The following DSCAM variants were observed in gnomAD, a reference collection of about 807,000 sequenced individuals.
The protein encoded by DSCAM is DS cell adhesion molecule.
DSCAM carries 47 observed loss-of-function variants against 217.7 expected under a neutral mutation model. The observed-to-expected ratio is 0.22, with a 90% CI of 0.17 to 0.28. DSCAM has a LOEUF of 0.28. DSCAM is among the 10% of genes least tolerant of loss of function. The pLI is 1.00. For synonymous variants in DSCAM, 1,056 were observed against 1,015.3 expected (o/e 1.04, Z -0.76); for missense variants, 2,080 against 2,618.3 (o/e 0.79, Z 4.49).
At chr21:40,047,087 G>A (rs1225986480) in intron 30 of DSCAM, among the ~76,000 whole-genome samples, 1 of 149,172 alleles carries the variant, frequency 6.7e-6, no homozygotes, top group South Asian at 2.1e-4. Context: ...CATGATATTA[G>A]TTTCCTTAAA....
intron 3 of DSCAM, among the ~76,000 whole-genome samples, chr21:40,433,021 A>G (rs1211392385): frequency 6.6e-6 from 1 of 152,158 alleles, no homozygotes; most frequent in Non-Finnish European, 1.5e-5. Flanking sequence ...CAATTTACAG[A>G]TACAAAAAAA....
rs193059885 is a variant in DSCAM, at chr21:40,052,256, C to G, written c.5036-149G>C. ...AAAGTGACAAAAATGATTGAAAATTCAAGCACTGAATTAGCATTACTCTAG... is the reference window on the plus strand; with the variant it reads ...AAAGTGACAAAAATGATTGAAAATTGAAGCACTGAATTAGCATTACTCTAG... On this transcript the variant is annotated intron_variant, in intron 29 of 32. Coordinates refer to ENST00000400454, the MANE Select transcript of DSCAM (RefSeq NM_001389.5). The G allele has an allele frequency of 4.8e-5, 44 of 910,892 alleles. No individual in the cohort carries two copies. The East Asian group carries it at 1.1e-3, about 23-fold the overall frequency. 56.4% of individuals were successfully genotyped at this position (910,892 alleles called of 1,614,324 possible).
At chr21:40,035,405 A>T (rs924947643) in intron 32 of DSCAM, among the ~76,000 whole-genome samples, 8 of 116,428 alleles carry the variant, frequency 6.9e-5, no homozygotes, top group African/African-American at 2.6e-4. Context: ...ACAAAGATCA[A>T]AAGAGACAAA....
intron 3 of DSCAM, among the ~76,000 whole-genome samples, chr21:40,686,612 C>G (rs1262829487): frequency 6.6e-6 from 1 of 152,188 alleles, no homozygotes; most frequent in African/African-American, 2.4e-5. Context: ...CAAAAGCGTA[C>G]TTCTCTGTGT....
At chr21:40,124,371 T>C (rs1231007349) in intron 19 of DSCAM, 43 bp from the exon 20 acceptor site, 15 of 1,609,766 alleles carry the variant, frequency 9.3e-6, no homozygotes, top group Non-Finnish European at 1.3e-5. Flanking sequence ...GGCCTCAACT[T>C]GGGCTTGCGG....
intron 3 of DSCAM, among the ~76,000 whole-genome samples, chr21:40,606,289 G>A (rs1182429555): frequency 6.6e-6 from 1 of 152,158 alleles, no homozygotes; most frequent in East Asian, 1.9e-4. Flanking sequence ...GGGTGATGGG[G>A]ACATTGATGA....
chr21:40,770,254 T>C (rs886746335), intron 1 of DSCAM, among the ~76,000 whole-genome samples: 3 of 152,232 alleles, frequency 2.0e-5, no homozygotes, highest in Non-Finnish European at 4.4e-5. Context: ...TAAATTCTTT[T>C]AGTTTCTCTT....
At chr21:40,571,679 A>G in intron 3 of DSCAM, among the ~76,000 whole-genome samples, 1 of 152,244 alleles carries the variant, frequency 6.6e-6, no homozygotes, top group East Asian at 1.9e-4. Flanking sequence ...TTGTTTGTAT[A>G]CAGACATACA....
At chr21:40,802,455 T>C (rs2091750395) in intron 1 of DSCAM, among the ~76,000 whole-genome samples, 1 of 152,134 alleles carries the variant, frequency 6.6e-6, no homozygotes, top group South Asian at 2.1e-4. Flanking sequence ...TATATTTGTA[T>C]GTGAGAAGGA....
intron 3 of DSCAM, among the ~76,000 whole-genome samples, chr21:40,417,257 T>C (rs528291501): frequency 5.6e-4 from 85 of 152,278 alleles, no homozygotes; most frequent in African/African-American, 2.0e-3. Context: ...ATACTTAAAG[T>C]TTTAGGGTAC....
At chr21:40,225,632 G>A (rs986488072) in intron 11 of DSCAM, among the ~76,000 whole-genome samples, 3 of 152,132 alleles carry the variant, frequency 2.0e-5, no homozygotes, top group South Asian at 4.1e-4. Flanking sequence ...TCCATCCTGA[G>A]ATAGTGCAGA....
intron 11 of DSCAM, among the ~76,000 whole-genome samples, chr21:40,240,768 C>A (rs542643000): frequency 1.3e-5 from 2 of 152,266 alleles, no homozygotes; most frequent in Admixed American, 1.3e-4. Context: ...GGCATGCATG[C>A]CATTTGTGAC....
At chr21:40,282,515 C>T (rs1042592986) in intron 10 of DSCAM, among the ~76,000 whole-genome samples, 1 of 138,228 alleles carries the variant, frequency 7.2e-6, no homozygotes, top group Non-Finnish European at 1.5e-5. Context: ...GGCCTGAACC[C>T]GGGAGGCAGA....
chr21:40,372,471 A>T (rs970358846), intron 3 of DSCAM, among the ~76,000 whole-genome samples: 1 of 152,206 alleles, frequency 6.6e-6, no homozygotes, highest in African/African-American at 2.4e-5. Context: ...TGTTAGACAC[A>T]CTGCAATTTA....
intron 3 of DSCAM, among the ~76,000 whole-genome samples, chr21:40,606,824 G>A (rs2089246058): frequency 6.6e-6 from 1 of 152,198 alleles, no homozygotes; most frequent in South Asian, 2.1e-4. Flanking sequence ...GAGACCTGCT[G>A]GGAGGTAATT....
chr21:40,555,420 T>C (rs1182564076), intron 3 of DSCAM, among the ~76,000 whole-genome samples: 1 of 152,246 alleles, frequency 6.6e-6, no homozygotes, highest in African/African-American at 2.4e-5. Context: ...TACTGAGTTT[T>C]TGAGGCACTA....
intron 1 of DSCAM, among the ~76,000 whole-genome samples, chr21:40,746,806 G>C (rs1011917071): frequency 6.6e-6 from 1 of 151,774 alleles, no homozygotes; most frequent in Non-Finnish European, 1.5e-5. Flanking sequence ...CTCCAGGATA[G>C]ATTATGAAAG....
intron 3 of DSCAM, among the ~76,000 whole-genome samples, chr21:40,416,000 A>G (rs961840165): frequency 6.6e-6 from 1 of 152,210 alleles, no homozygotes; most frequent in African/African-American, 2.4e-5. Context: ...CTTCCAAAAT[A>G]GGCAAAAGAG....
intron 3 of DSCAM, among the ~76,000 whole-genome samples, chr21:40,520,624 T>C (rs1218610786): frequency 1.3e-5 from 2 of 151,966 alleles, no homozygotes; most frequent in Non-Finnish European, 2.9e-5. Flanking sequence ...CTGGCCAACA[T>C]GGTGAAACCC....
Sources: gnomAD v4.1 joint callset for allele counts (sites outside exome capture counted in the v4.1 genomes callset) on GRCh38, gnomAD v4.1.1 for gene constraint, MANE v1.5 for transcripts, NCBI Gene and HGNC (gene_info 2026-07-23, HGNC 2026-07-21) for gene names.